The following ASIC2 variants were observed in gnomAD, a reference collection of about 807,000 sequenced individuals.
ASIC2 encodes acid-sensing ion channel 2.
A neutral mutation model predicts 57.3 loss-of-function variants in ASIC2; 25 were observed. The observed-to-expected ratio is 0.44, with a 90% CI of 0.32 to 0.61. The LOEUF is 0.61. ASIC2 is among the 20% of genes least tolerant of loss of function. The probability of loss-of-function intolerance (pLI) is 0.06; values close to 1 mark genes in which losing one functional copy is unlikely to be tolerated. For synonymous variants in ASIC2, 319 were observed against 307.5 expected, an observed-to-expected ratio of 1.04 and a Z score of -0.39; for missense variants, 641 against 738.1, an observed-to-expected ratio of 0.87 and a Z score of 1.52.
At chr17:33,138,120 C>T (rs941278507) in intron 1 of ASIC2, among the ~76,000 whole-genome samples, 3 of 152,130 alleles carry the variant, frequency 2.0e-5, no homozygotes, top group Admixed American at 2.0e-4. Context: ...AGAGGTCTGG[C>T]ACCAGGAAAG....
At chr17:33,756,098 A>G (rs2142108647) in intron 1 of ASIC2, among the ~76,000 whole-genome samples, 1 of 152,370 alleles carries the variant, frequency 6.6e-6, no homozygotes, top group East Asian at 1.9e-4. Flanking sequence ...TATCAGCATG[A>G]TCTGAACAGG....
intron 1 of ASIC2, among the ~76,000 whole-genome samples, chr17:33,405,054 G>A (rs1031670373): frequency 9.2e-5 from 14 of 151,690 alleles, no homozygotes; most frequent in African/African-American, 3.4e-4. Context: ...TAATGTTAGA[G>A]TAGGGGGACA....
At chr17:33,106,271 G>A (rs771402674) in intron 2 of ASIC2, among the ~76,000 whole-genome samples, 1 of 152,124 alleles carries the variant, frequency 6.6e-6, no homozygotes, top group Non-Finnish European at 1.5e-5. Context: ...TCTTTACCCC[G>A]AGAACAGCAT....
intron 1 of ASIC2, among the ~76,000 whole-genome samples, chr17:33,349,346 G>C (rs557827258): frequency 6.6e-6 from 1 of 152,230 alleles, no homozygotes. Context: ...GATTTCTGAT[G>C]GAGAGGAATC....
chr17:33,112,209 T>A, intron 1 of ASIC2, 142 bp from the exon 2 acceptor site: 1 of 1,113,684 alleles, frequency 9.0e-7, no homozygotes, highest in Non-Finnish European at 1.2e-6. Flanking sequence ...GAACCAGTGG[T>A]TTTTCATCCT....
At chr17:33,921,801 C>T (rs903962877) in intron 1 of ASIC2, among the ~76,000 whole-genome samples, 10 of 152,316 alleles carry the variant, frequency 6.6e-5, no homozygotes, top group African/African-American at 2.4e-4. Flanking sequence ...GGTGGGAAGT[C>T]TGCAAGATAA....
At chr17:33,311,412 GTGTC>G (rs1443067926) in intron 1 of ASIC2, among the ~76,000 whole-genome samples, 23 of 143,210 alleles carry the variant, frequency 1.6e-4, no homozygotes, top group South Asian at 2.3e-4. Context: ...GTATGTGTGT[GTGTC>G]TGTCTGTCTA....
intron 3 of ASIC2, among the ~76,000 whole-genome samples, chr17:33,056,211 C>T (rs2091997365): frequency 6.6e-6 from 1 of 152,214 alleles, no homozygotes; most frequent in South Asian, 2.1e-4. Context: ...ACCCAATCAG[C>T]CCACTCCACT....
At position 33,861,514 on chromosome 17, in the gene ASIC2, A is replaced by G. The variant is rs570073108; in HGVS notation, c.555+294464T>C. Among the ~76,000 whole-genome samples the G allele has an allele frequency of 3.3e-4, 51 of 152,320 alleles. 1 individual carries two copies. Among genetic ancestry groups the G allele is most frequent in the African/African-American group, 1.2e-3 (49 of 41,572 alleles). On this transcript the variant is annotated intron_variant, in intron 1 of 9. Coordinates refer to the ASIC2 transcript ENST00000359872. ...CTTGCTGAGGTTTACGCATCTAATA[A>G]CTAAGAATTTCATTTGTGTTAGAAG...
intron 1 of ASIC2, among the ~76,000 whole-genome samples, chr17:33,504,343 T>C (rs1046452965): frequency 6.6e-6 from 1 of 152,168 alleles, no homozygotes; most frequent in African/African-American, 2.4e-5. Flanking sequence ...GTTAGTATCT[T>C]TTTTGTTGTT....
chr17:33,660,084 A>G (rs969822593), intron 1 of ASIC2, among the ~76,000 whole-genome samples: 16 of 151,746 alleles, frequency 1.1e-4, no homozygotes, highest in Admixed American at 7.9e-4. Flanking sequence ...CTCTGTCGCA[A>G]AAAACAAAAC....
At chr17:33,898,604 A>G (rs777899571) in intron 1 of ASIC2, among the ~76,000 whole-genome samples, 2 of 152,186 alleles carry the variant, frequency 1.3e-5, no homozygotes, top group Non-Finnish European at 2.9e-5. Flanking sequence ...GTGGTATAAC[A>G]TTATTAACTA....
At chr17:33,918,250 C>A (rs1472324875) in intron 1 of ASIC2, among the ~76,000 whole-genome samples, 1 of 152,104 alleles carries the variant, frequency 6.6e-6, no homozygotes. Flanking sequence ...TTAATGTAAT[C>A]TTTTTCTCCT....
intron 1 of ASIC2, among the ~76,000 whole-genome samples, chr17:33,183,911 G>C (rs770602749): frequency 7.9e-5 from 12 of 152,182 alleles, no homozygotes; most frequent in Admixed American, 3.3e-4. Context: ...CCTCCTAGCT[G>C]TGCAAATCTG....
intron 1 of ASIC2, among the ~76,000 whole-genome samples, chr17:34,101,685 T>C (rs941351661): frequency 6.6e-6 from 1 of 152,254 alleles, no homozygotes; most frequent in Admixed American, 6.5e-5. Context: ...ACATTTATTA[T>C]ACAAGTGTAT....
At chr17:33,815,459 A>G (rs1912548365) in intron 1 of ASIC2, among the ~76,000 whole-genome samples, 1 of 152,162 alleles carries the variant, frequency 6.6e-6, no homozygotes, top group African/African-American at 2.4e-5. Flanking sequence ...ACACTCACCC[A>G]TATTTCTTAG....
chr17:33,574,390 T>C lies in ASIC2; in HGVS notation c.556-462323A>G, dbSNP rs1186976894. On this transcript the variant is annotated intron_variant, in intron 1 of 9. Coordinates refer to the ASIC2 transcript ENST00000359872. Reference sequence around the variant, plus strand: ...CTTGTCCATTTTACTATTGAGTTGTTGATCTTTTTCTTATTGATTTATAGC... The same window carrying C: ...CTTGTCCATTTTACTATTGAGTTGTCGATCTTTTTCTTATTGATTTATAGC... Among the ~76,000 whole-genome samples, 8 of 152,262 alleles carry C rather than the reference T, an allele frequency of 5.3e-5. No homozygotes were observed. The East Asian group carries it at 1.5e-3, about 29-fold the overall frequency.
At chr17:33,772,838 T>C (rs1029032697) in intron 1 of ASIC2, among the ~76,000 whole-genome samples, 1 of 152,162 alleles carries the variant, frequency 6.6e-6, no homozygotes, top group Non-Finnish European at 1.5e-5. Context: ...TTACTGGCTG[T>C]GTGGTCTTGT....
chr17:34,014,905 T>TC (rs1906893148), intron 1 of ASIC2, among the ~76,000 whole-genome samples: 4 of 151,554 alleles, frequency 2.6e-5, no homozygotes. Flanking sequence ...TTTTTTTTTT[T>TC]TCTGAGTCTT....
Sources: allele counts gnomAD v4.1 joint callset (sites outside exome capture counted in the v4.1 genomes callset), GRCh38; gene constraint gnomAD v4.1.1; transcripts MANE v1.5; gene names NCBI Gene and HGNC (gene_info 2026-07-23, HGNC 2026-07-21).